Variants in HIVEP2 observed in about 807,000 individuals in gnomAD.
The protein encoded by HIVEP2 is HIVEP zinc finger 2.
A neutral mutation model predicts 180.7 loss-of-function variants in HIVEP2; 14 were observed. The ratio of observed to expected loss-of-function variants is 0.08; its 90% confidence interval spans 0.05 to 0.12. The LOEUF is 0.12. HIVEP2 is among the 10% of genes least tolerant of loss of function. The probability of loss-of-function intolerance (pLI) is 1.00; values close to 1 mark genes in which losing one functional copy is unlikely to be tolerated. For synonymous variants in HIVEP2, 1,184 were observed against 1,136.4 expected, an observed-to-expected ratio of 1.04 and a Z score of -0.84; for missense variants, 2,579 against 3,008.5, an observed-to-expected ratio of 0.86 and a Z score of 3.34.
chr6:142,898,890 A>G (rs1777062644), intron 1 of HIVEP2, among the ~76,000 whole-genome samples: 2 of 152,196 alleles, frequency 1.3e-5, no homozygotes, highest in African/African-American at 4.8e-5. Context: ...TAAATATCGC[A>G]GCATTAATTC....
At chr6:142,836,746 C>T (rs114840472) in intron 2 of HIVEP2, among the ~76,000 whole-genome samples, 189 bp downstream of exon 2, 1,580 of 152,222 alleles carry the variant, frequency 0.01, 24 homozygotes, top group African/African-American at 0.036. Flanking sequence ...TAAAATCAGA[C>T]ATTTCCAGAA....
At chr6:142,859,764 G>A (rs1327951456) in intron 1 of HIVEP2, among the ~76,000 whole-genome samples, 1 of 143,932 alleles carries the variant, frequency 6.9e-6, no homozygotes, top group Non-Finnish European at 1.5e-5. Flanking sequence ...AACCTGGGAG[G>A]CAGATGTTGC....
At chr6:142,783,335 A>C (rs1775904022) in intron 3 of HIVEP2, among the ~76,000 whole-genome samples, 186 bp downstream of exon 3, 1 of 97,962 alleles carries the variant, frequency 1.0e-5, no homozygotes, top group African/African-American at 4.2e-5. Flanking sequence ...ACAAAAAAAA[A>C]AAAAAAAAAA....
intron 1 of HIVEP2, among the ~76,000 whole-genome samples, chr6:142,935,027 G>A (rs1291899588): frequency 6.6e-6 from 1 of 152,148 alleles, no homozygotes; most frequent in Admixed American, 6.5e-5. Flanking sequence ...AGCTGTCCTA[G>A]ATGGAAGAAT....
At chr6:142,925,425 T>C (rs979330882) in intron 1 of HIVEP2, among the ~76,000 whole-genome samples, 1 of 152,334 alleles carries the variant, frequency 6.6e-6, no homozygotes, top group Admixed American at 6.5e-5. Flanking sequence ...ACCAACATTT[T>C]TGTGCATTTC....
chr6:142,880,253 T>G (rs116709455), intron 1 of HIVEP2, among the ~76,000 whole-genome samples: 1,716 of 152,130 alleles, frequency 0.011, 36 homozygotes, highest in African/African-American at 0.039. Flanking sequence ...GTCAAGACAT[T>G]TCAGATATTC....
Position 142,770,823 on chromosome 6 carries a change from T to G in HIVEP2, c.3916A>C (p.Thr1306Pro). Residue 1306 changes from threonine (T) to proline (P), a missense_variant, in exon 5 of 10, where the codon ACT becomes CCT. By Grantham distance (38) the Thr-to-Pro change is conservative. Around this residue, in one of 11 missense-constraint regions of HIVEP2, gnomAD observed 523 missense variants for 577.0 expected, o/e 0.91. Coordinates refer to ENST00000367603, the MANE Select transcript of HIVEP2 (RefSeq NM_006734.4). The surrounding 1 kb of genome is among the most constrained non-coding windows in gnomAD (Gnocchi z 4.7). Reference protein sequence around the residue: ...KFPSDQSSKSTETPSEQVLQE... With the variant: ...KFPSDQSSKSPETPSEQVLQE... ...AGAACCTGCTCAGAGGGCGTTTCAG[T>G]TGACTTACTGCTCTGGTCTGATGGA... 6.2e-7 allele frequency: 1 copy of G among 1,614,230 alleles called. No individual in the cohort carries two copies. Among genetic ancestry groups the G allele is most frequent in the East Asian group, 2.2e-5 (1 of 44,880 alleles).
At chr6:142,758,901 A>C (rs1775146702) in intron 9 of HIVEP2, among the ~76,000 whole-genome samples, 1 of 152,146 alleles carries the variant, frequency 6.6e-6, no homozygotes. Flanking sequence ...AGACAGGCTC[A>C]TGTCTTTGAT....
chr6:142,883,585 T>C (rs1194406590), intron 1 of HIVEP2, among the ~76,000 whole-genome samples: 2 of 152,174 alleles, frequency 1.3e-5, no homozygotes, highest in Non-Finnish European at 1.5e-5. Context: ...AAGAATTTTA[T>C]AGCTTCTAAT....
At chr6:142,872,838 A>G (rs198675) in intron 1 of HIVEP2, among the ~76,000 whole-genome samples, 128,651 of 152,190 alleles carry the variant, frequency 0.85, 55,072 homozygotes, top group African/African-American at 0.94. Context: ...GTTTTTTACA[A>G]TTCATAAATT....
intron 2 of HIVEP2, among the ~76,000 whole-genome samples, chr6:142,823,599 A>G (rs1268798189): frequency 6.6e-6 from 1 of 152,250 alleles, no homozygotes; most frequent in African/African-American, 2.4e-5. Context: ...CATGCCAAGC[A>G]TCCCTTTCCT....
chr6:142,913,107 A>G (rs1777456077), intron 1 of HIVEP2, among the ~76,000 whole-genome samples: 1 of 152,168 alleles, frequency 6.6e-6, no homozygotes, highest in Admixed American at 6.5e-5. Context: ...CACAGCAGGG[A>G]GACAAAACCA....
chr6:142,793,659 T>TCTCTCTC (rs3057479), intron 2 of HIVEP2, among the ~76,000 whole-genome samples: 5 of 106,196 alleles, frequency 4.7e-5, no homozygotes, highest in African/African-American at 1.7e-4. Flanking sequence ...TTTCTTTCTT[T>TCTCTCTC]TTTCTTTCTT....
rs114002170 is a variant in HIVEP2 at position 142,927,768 on chromosome 6, C to G, written c.-641+17331G>C. 6.6e-3 allele frequency among the ~76,000 whole-genome samples: 1,004 copies of G among 152,266 alleles called. 12 individuals are homozygous for G. The highest frequency in any genetic ancestry group is 0.022 in the African/African-American group (909 of 41,540). ...TTAAAGTCTCCTTCTAAATTTCCAG[C>G]CTTCCATTTAGTTTCAAGCCATAAA... On this transcript the variant is annotated intron_variant, in intron 1 of 9. Coordinates refer to ENST00000367603, the MANE Select transcript of HIVEP2 (RefSeq NM_006734.4).
At chr6:142,765,753 G>C (rs1301101860) in intron 6 of HIVEP2, among the ~76,000 whole-genome samples, 1 of 152,160 alleles carries the variant, frequency 6.6e-6, no homozygotes, top group Non-Finnish European at 1.5e-5. Context: ...AAATCGGCTA[G>C]AAAAACAGTC....
chr6:142,760,419 C>A lies in HIVEP2; in HGVS notation c.5869G>T (p.Val1957Phe). ...TGTCCCAGGGAACTATCTGAAGGAA[C>A]CCCGTGGGGTACGGCGCCAACATTC... Reference protein sequence around the residue: ...PVNVGAVPHGVPSDSSLGHSS... With the variant: ...PVNVGAVPHGFPSDSSLGHSS... Residue 1957 changes from valine (V) to phenylalanine (F), a missense_variant, in exon 9 of 10, where the codon GTT (valine) becomes TTT (phenylalanine). Coordinates refer to ENST00000367603, the MANE Select transcript of HIVEP2 (RefSeq NM_006734.4). 1 of 1,614,140 alleles carries A rather than the reference C, an allele frequency of 6.2e-7. No homozygotes were observed. Among genetic ancestry groups the A allele is most frequent in the Non-Finnish European group, 8.5e-7 (1 of 1,180,026 alleles).
intron 1 of HIVEP2, among the ~76,000 whole-genome samples, chr6:142,913,116 C>T (rs1263099903): frequency 1.3e-5 from 2 of 152,126 alleles, no homozygotes; most frequent in Admixed American, 1.3e-4. Flanking sequence ...GAGACAAAAC[C>T]AGGACTCATG....
At chr6:142,851,220 C>T (rs1012024946) in intron 1 of HIVEP2, among the ~76,000 whole-genome samples, 3 of 152,234 alleles carry the variant, frequency 2.0e-5, no homozygotes, top group African/African-American at 7.2e-5. Context: ...TAGGATTTGG[C>T]TCATAGCCAA....
intron 1 of HIVEP2, among the ~76,000 whole-genome samples, chr6:142,883,652 A>T (rs1042622650): frequency 1.3e-5 from 2 of 152,168 alleles, no homozygotes; most frequent in Admixed American, 6.5e-5. Context: ...CCCTCAAATG[A>T]AACTTTTTCA....
Sources: gnomAD v4.1 joint callset for allele counts (sites outside exome capture counted in the v4.1 genomes callset) on GRCh38, gnomAD v4.1.1 for gene constraint, gnomAD v4.1.1 regional missense constraint, Gnocchi (gnomAD v3.1) non-coding constraint, MANE v1.5 for transcripts, NCBI Gene and HGNC (gene_info 2026-07-23, HGNC 2026-07-21) for gene names.